Variants in PTN observed in about 807,000 individuals in gnomAD.
The protein encoded by PTN is heparin affin regulatory protein.
Under a neutral mutation model 24.1 loss-of-function variants are expected in PTN, and 18 were observed. That is an observed-to-expected ratio of 0.75 (90% CI 0.52 to 1.11). The LOEUF is 1.11. PTN is among the 50% of genes least tolerant of loss of function. PTN has a pLI of 0.00. For synonymous variants in PTN, 78 were observed against 68.6 expected (o/e 1.14, Z -0.67); for missense variants, 163 against 198.8 (o/e 0.82, Z 1.08).
chr7:137,260,156 C>G (rs925080188), intron 1 of PTN, among the ~76,000 whole-genome samples: 3 of 152,108 alleles, frequency 2.0e-5, no homozygotes, highest in African/African-American at 7.2e-5. Flanking sequence ...TGGAAACAAT[C>G]AGTTTTGAGA....
At chr7:137,284,776 G>T (rs1018164289) in intron 1 of PTN, among the ~76,000 whole-genome samples, 2 of 152,062 alleles carry the variant, frequency 1.3e-5, no homozygotes, top group African/African-American at 4.8e-5. Context: ...CACCTGTTCC[G>T]TAAAGACTTA....
chr7:137,255,081 A>C lies in PTN; in HGVS notation c.-1-107T>G, dbSNP rs184270131. ...CTCCACTTTCCATTTCTGGAATGTT[A>C]GATTTCAGGAAGATTCATATCAATT... On this transcript the variant is annotated intron_variant, in intron 1 of 4. Transcript: ENST00000348225. 4.4e-6 allele frequency: 3 copies of C among 674,646 alleles called. No homozygotes were observed. In the African/African-American group the frequency reaches 5.3e-5, roughly 12 times the overall value. 41.8% of individuals were successfully genotyped at this position (674,646 alleles called of 1,614,324 possible).
At chr7:137,340,091 C>T (rs1355939221) in intron 1 of PTN, among the ~76,000 whole-genome samples, 1 of 151,796 alleles carries the variant, frequency 6.6e-6, no homozygotes, top group Non-Finnish European at 1.5e-5. Context: ...TATCTCAACC[C>T]ACTCTGAAAA....
At chr7:137,243,492 C>A (rs1295570235) in intron 4 of PTN, among the ~76,000 whole-genome samples, 2 of 152,162 alleles carry the variant, frequency 1.3e-5, no homozygotes, top group Non-Finnish European at 2.9e-5. Context: ...TGATATACCC[C>A]ACCACATTCT....
intron 1 of PTN, among the ~76,000 whole-genome samples, chr7:137,313,856 C>G (rs2128880193): frequency 6.6e-6 from 1 of 152,142 alleles, no homozygotes; most frequent in African/African-American, 2.4e-5. Flanking sequence ...GAACGTATAC[C>G]TTCTTGGAAT....
intron 1 of PTN, among the ~76,000 whole-genome samples, chr7:137,256,907 A>G (rs747959630): frequency 3.9e-5 from 6 of 152,212 alleles, no homozygotes; most frequent in Non-Finnish European, 8.8e-5. Flanking sequence ...AATATGAAAA[A>G]AAGCTCAACA....
At chr7:137,310,406 T>A (rs1421078705) in intron 1 of PTN, among the ~76,000 whole-genome samples, 1 of 62,096 alleles carries the variant, frequency 1.6e-5, no homozygotes, top group African/African-American at 1.7e-4. Context: ...TTTTTTTTGT[T>A]TTTTTTTTTT....
rs755436505 is a variant in PTN, at chr7:137,253,634, T to C, written c.119A>G (p.Lys40Arg). Residue 40 changes from lysine (K) to arginine (R), a missense_variant, in exon 3 of 5, where the codon AAA becomes AGA. By Grantham distance (26) the Lys-to-Arg change is conservative (BLOSUM62 2). Coordinates refer to ENST00000348225, the MANE Select transcript of PTN (RefSeq NM_002825.7). ...TCCACAGTCAGACTTCTTCACTTTT[T>C]TTTCTGAATGAAAGGAGGAAAACCT... ...AEAGKKEKPE[K>R]KVKKSDCGEW... The C allele has an allele frequency of 2.5e-5, 38 of 1,541,330 alleles. No homozygotes were observed. Among genetic ancestry groups the C allele is most frequent in the Non-Finnish European group, 3.2e-5 (36 of 1,138,656 alleles).
chr7:137,280,697 T>TAAAAAAAAAAA (rs1563210740), intron 1 of PTN, among the ~76,000 whole-genome samples: 2 of 10,646 alleles, frequency 1.9e-4, no homozygotes, highest in Non-Finnish European at 4.5e-4. Context: ...CTACTAAAAA[T>TAAAAAAAAAAA]ACAAAAAAAA....
intron 1 of PTN, among the ~76,000 whole-genome samples, chr7:137,333,732 A>T (rs1239157027): frequency 6.6e-6 from 1 of 152,218 alleles, no homozygotes; most frequent in Admixed American, 6.5e-5. Flanking sequence ...CTGCATCGCC[A>T]AGTCAATTCT....
intron 1 of PTN, among the ~76,000 whole-genome samples, chr7:137,305,684 T>C (rs1809876307): frequency 6.6e-6 from 1 of 152,034 alleles, no homozygotes; most frequent in South Asian, 2.1e-4. Flanking sequence ...AGAAAATGCA[T>C]GAAGAAAATG....
intron 1 of PTN, among the ~76,000 whole-genome samples, chr7:137,316,639 G>C (rs1810077180): frequency 6.6e-6 from 1 of 152,188 alleles, no homozygotes; most frequent in Non-Finnish European, 1.5e-5. Flanking sequence ...CGTCCCAAAA[G>C]AGAGTGGAGA....
intron 4 of PTN, among the ~76,000 whole-genome samples, chr7:137,246,994 A>T (rs1177815655): frequency 1.3e-5 from 2 of 152,228 alleles, no homozygotes; most frequent in Non-Finnish European, 2.9e-5. Flanking sequence ...TTAAATGACT[A>T]GGAGCTCCTA....
chr7:137,301,773 A>G (rs1001252227), intron 1 of PTN, among the ~76,000 whole-genome samples: 6 of 151,936 alleles, frequency 3.9e-5, no homozygotes, highest in African/African-American at 1.2e-4. Flanking sequence ...ACTCAGTAGA[A>G]AAAGCATGTT....
intron 4 of PTN, among the ~76,000 whole-genome samples, chr7:137,243,895 CCCG>C (rs1405269453): frequency 6.6e-6 from 1 of 152,136 alleles, no homozygotes; most frequent in Non-Finnish European, 1.5e-5. Context: ...AGATATTTCT[CCCG>C]GATCTGTTGA....
intron 1 of PTN, among the ~76,000 whole-genome samples, chr7:137,294,878 T>G (rs1809695091): frequency 6.6e-6 from 1 of 152,170 alleles, no homozygotes; most frequent in Non-Finnish European, 1.5e-5. Context: ...TTTTCTTTTT[T>G]TATATAAAGT....
At chr7:137,230,482 G>C (rs775956144) in intron 4 of PTN, among the ~76,000 whole-genome samples, 7 of 151,708 alleles carry the variant, frequency 4.6e-5, no homozygotes, top group Non-Finnish European at 1.0e-4. Context: ...AATCTAAAGA[G>C]AAAAATAAAG....
chr7:137,310,272 A>G (rs1247353351), intron 1 of PTN, among the ~76,000 whole-genome samples: 1 of 152,214 alleles, frequency 6.6e-6, no homozygotes, highest in East Asian at 1.9e-4. Context: ...ATGTGCCATC[A>G]TCCAGGCTCT....
intron 1 of PTN, among the ~76,000 whole-genome samples, chr7:137,321,217 ACT>A (rs1399782141): frequency 6.6e-6 from 1 of 152,048 alleles, no homozygotes; most frequent in African/African-American, 2.4e-5. Context: ...TCTCCTCTGA[ACT>A]CTGAGGTTAA....
Sources: allele counts gnomAD v4.1 joint callset (sites outside exome capture counted in the v4.1 genomes callset), GRCh38; gene constraint gnomAD v4.1.1; transcripts MANE v1.5; gene names NCBI Gene and HGNC (gene_info 2026-07-23, HGNC 2026-07-21).